The following METTL15 variants were observed in gnomAD, a reference collection of about 807,000 sequenced individuals.
The protein encoded by METTL15 is methyltransferase 15, mitochondrial 12S rRNA N4-cytidine.
In METTL15, 34 loss-of-function variants were observed where a neutral mutation model predicts 38.3. The ratio of observed to expected loss-of-function variants is 0.89; its 90% CI spans 0.68 to 1.18. METTL15 has a LOEUF of 1.18. Ranked by LOEUF, METTL15 falls within the 50% of genes most tolerant of loss-of-function variation. The pLI, the probability that METTL15 is intolerant of heterozygous loss-of-function variation, is 0.00. For missense variants in METTL15, 438 were observed against 498.4 expected, an observed-to-expected ratio of 0.88 and a Z score of 1.15; for synonymous variants, 162 against 170.9, an observed-to-expected ratio of 0.95 and a Z score of 0.41.
intron 4 of METTL15, among the ~76,000 whole-genome samples, chr11:28,361,094 G>A (rs370389028): frequency 6.6e-5 from 10 of 151,222 alleles, no homozygotes; most frequent in Non-Finnish European, 1.3e-4. Flanking sequence ...AGTCTTTGCT[G>A]TTGTGAATAG....
At chr11:28,430,085 C>T (rs1285284416) in intron 6 of METTL15, among the ~76,000 whole-genome samples, 13 of 148,528 alleles carry the variant, frequency 8.8e-5, no homozygotes, top group Admixed American at 4.7e-4. Flanking sequence ...TCTGCCCGGC[C>T]GCCCTGTCTG....
chr11:28,374,395 G>T (rs891602276), intron 5 of METTL15, among the ~76,000 whole-genome samples: 6 of 151,796 alleles, frequency 4.0e-5, no homozygotes, highest in African/African-American at 1.5e-4. Context: ...CTTGTAAGTT[G>T]GTTTCCTAGG....
chr11:28,497,259 G>C (rs1013314890), intron 6 of METTL15, among the ~76,000 whole-genome samples: 1 of 152,206 alleles, frequency 6.6e-6, no homozygotes, highest in Non-Finnish European at 1.5e-5. Context: ...AAATACTAGT[G>C]TTTGCTTCAT....
At chr11:28,171,771 C>T (rs760000599) in intron 3 of METTL15, among the ~76,000 whole-genome samples, 39 of 150,282 alleles carry the variant, frequency 2.6e-4, no homozygotes, top group Non-Finnish European at 3.7e-4. Flanking sequence ...CCCTGCCCGC[C>T]GCCTCTCTCT....
chr11:28,375,834 T>G (rs1850304339), intron 5 of METTL15, among the ~76,000 whole-genome samples: 1 of 151,896 alleles, frequency 6.6e-6, no homozygotes, highest in Non-Finnish European at 1.5e-5. Context: ...ACACACTGCT[T>G]TGAATGCGTC....
chr11:28,169,339 G>T (rs1049095619), intron 3 of METTL15, among the ~76,000 whole-genome samples: 3 of 152,014 alleles, frequency 2.0e-5, no homozygotes, highest in African/African-American at 7.2e-5. Flanking sequence ...TTTTTATCTT[G>T]GTTGTTCAAA....
intron 6 of METTL15, among the ~76,000 whole-genome samples, chr11:28,312,564 TC>T (rs1857342112): frequency 8.7e-6 from 1 of 115,124 alleles, no homozygotes; most frequent in Non-Finnish European, 2.1e-5. Flanking sequence ...ATTTCTTTGT[TC>T]TTTTTTTCTT....
chr11:28,365,697 A>C (rs1850178780), intron 5 of METTL15, among the ~76,000 whole-genome samples: 1 of 152,128 alleles, frequency 6.6e-6, no homozygotes, highest in African/African-American at 2.4e-5. Flanking sequence ...TATGTGAAAA[A>C]ATGTATGAGG....
At chr11:28,388,941 T>C (rs1051411896) in intron 5 of METTL15, among the ~76,000 whole-genome samples, 1 of 152,038 alleles carries the variant, frequency 6.6e-6, no homozygotes, top group African/African-American at 2.4e-5. Context: ...GTTCGGTTTT[T>C]TGTCCTTGTG....
chr11:28,166,382 T>C (rs574910259), intron 3 of METTL15, among the ~76,000 whole-genome samples: 1 of 152,316 alleles, frequency 6.6e-6, no homozygotes, highest in South Asian at 2.1e-4. Context: ...AATTTATGGT[T>C]TCATTTGGTT....
intron 4 of METTL15, among the ~76,000 whole-genome samples, chr11:28,234,576 T>C (rs1165362659): frequency 1.7e-4 from 26 of 151,896 alleles, no homozygotes; most frequent in Admixed American, 4.6e-4. Context: ...CATTTTTTCA[T>C]GTGTCTTTTG....
intron 7 of METTL15, chr11:28,526,597 C>T (rs1590404776): frequency 6.6e-6 from 1 of 152,222 alleles, no homozygotes; most frequent in Non-Finnish European, 1.5e-5. Context: ...TCAAGATTCT[C>T]TCTTTGTCTT....
chr11:28,269,919 A>G (rs1855575992), intron 4 of METTL15, among the ~76,000 whole-genome samples: 1 of 152,202 alleles, frequency 6.6e-6, no homozygotes, highest in South Asian at 2.1e-4. Flanking sequence ...AGAGGAAAAT[A>G]TTTTAGATTT....
chr11:28,240,415 A>G (rs182944378), intron 4 of METTL15, among the ~76,000 whole-genome samples: 225 of 152,326 alleles, frequency 1.5e-3, no homozygotes, highest in African/African-American at 5.2e-3. Context: ...AAAAATAACA[A>G]TAGCTAACAA....
chr11:28,528,466 C>T (rs1851826253), downstream of METTL15, among the ~76,000 whole-genome samples: 1 of 152,158 alleles, frequency 6.6e-6, no homozygotes, highest in Non-Finnish European at 1.5e-5. Flanking sequence ...CCATCTGAAC[C>T]GAGACTAAGT....
At chr11:28,418,335 C>A (rs1177360157) in intron 5 of METTL15, among the ~76,000 whole-genome samples, 1 of 152,160 alleles carries the variant, frequency 6.6e-6, no homozygotes, top group Non-Finnish European at 1.5e-5. Context: ...TTTGCCTGAT[C>A]AGTGGCCCAT....
chr11:28,213,840 A>G (rs957246956), intron 4 of METTL15, among the ~76,000 whole-genome samples: 2 of 151,648 alleles, frequency 1.3e-5, no homozygotes, highest in Non-Finnish European at 1.5e-5. Context: ...TATTTTTAGT[A>G]GAGACGGGGT....
At chr11:28,258,429 T>C (rs1855061984) in intron 4 of METTL15, among the ~76,000 whole-genome samples, 1 of 152,028 alleles carries the variant, frequency 6.6e-6, no homozygotes, top group Admixed American at 6.5e-5. Flanking sequence ...AGTCAGCAGG[T>C]AGCAAAGCCA....
chr11:28,369,378 T>C (rs1018723084), intron 5 of METTL15, among the ~76,000 whole-genome samples: 1 of 152,092 alleles, frequency 6.6e-6, no homozygotes, highest in African/African-American at 2.4e-5. Context: ...AGTGAGCTTA[T>C]GTGAGGAAAT....
Sources: allele counts gnomAD v4.1 joint callset (sites outside exome capture counted in the v4.1 genomes callset), GRCh38; gene constraint gnomAD v4.1.1; transcripts MANE v1.5; gene names NCBI Gene and HGNC (gene_info 2026-07-23, HGNC 2026-07-21).